The following SEMA6D variants were observed in gnomAD, a reference collection of about 807,000 sequenced individuals.
SEMA6D encodes semaphorin-6D.
A neutral mutation model predicts 106.6 loss-of-function variants in SEMA6D; 35 were observed. That is an observed-to-expected ratio of 0.33 (90% CI 0.25 to 0.44). The LOEUF (loss-of-function observed/expected upper bound fraction) is 0.44. SEMA6D is among the 20% of genes least tolerant of loss of function. The pLI is 1.00. For missense variants in SEMA6D, 1,185 were observed against 1,345.9 expected (o/e 0.88, Z 1.87); for synonymous variants, 499 against 487.7 (o/e 1.02, Z -0.31).
chr15:47,341,804 G>A (rs187837217), intron 1 of SEMA6D, among the ~76,000 whole-genome samples: 1,687 of 152,196 alleles, frequency 0.011, 12 homozygotes, highest in Non-Finnish European at 0.014. Flanking sequence ...TTTCAGACTT[G>A]TGATATTCCT....
chr15:47,501,165 T>C (rs2043836110), intron 3 of SEMA6D, among the ~76,000 whole-genome samples: 1 of 152,196 alleles, frequency 6.6e-6, no homozygotes, highest in Non-Finnish European at 1.5e-5. Flanking sequence ...TCATTTGCAT[T>C]AGAAATGTAG....
Position 47,552,835 on chromosome 15 carries a change from TATATATAA to T in SEMA6D, c.-86-48022_-86-48015del, listed in dbSNP as rs1425647491. Among the ~76,000 whole-genome samples, 652 of 82,476 alleles carry T rather than the reference TATATATAA, an allele frequency of 7.9e-3. 31 individuals are homozygous for T. Among genetic ancestry groups the T allele is most frequent in the South Asian group, 0.031 (99 of 3,182 alleles). 54.1% of individuals were successfully genotyped at this position (82,476 alleles called of 152,430 possible). On this transcript the variant is annotated intron_variant, in intron 3 of 19. Coordinates refer to the SEMA6D transcript ENST00000558014. ...ATATATAAATATATATATTTTTATA[TATATATAA>T]ATATATATAAATATATATATATTTT...
At chr15:47,340,884 G>A (rs1476316103) in intron 1 of SEMA6D, among the ~76,000 whole-genome samples, 3 of 152,114 alleles carry the variant, frequency 2.0e-5, no homozygotes, top group African/African-American at 7.2e-5. Context: ...GGAACTGTTG[G>A]GAGTGTTAAG....
At chr15:47,314,888 C>T (rs1163368945) in intron 1 of SEMA6D, among the ~76,000 whole-genome samples, 3 of 115,764 alleles carry the variant, frequency 2.6e-5, no homozygotes, top group Admixed American at 2.0e-4. Context: ...TTTTTTGAGA[C>T]GGAGTCTCGC....
At chr15:47,643,284 G>A (rs1357250884) in intron 4 of SEMA6D, among the ~76,000 whole-genome samples, 1 of 152,182 alleles carries the variant, frequency 6.6e-6, no homozygotes, top group Non-Finnish European at 1.5e-5. Context: ...AGTGTCCAGG[G>A]CCTGCATTTC....
At chr15:47,538,713 A>T (rs2045256204) in intron 3 of SEMA6D, among the ~76,000 whole-genome samples, 1 of 152,216 alleles carries the variant, frequency 6.6e-6, no homozygotes, top group African/African-American at 2.4e-5. Flanking sequence ...TAAAAAAATA[A>T]GTCTTTTTTA....
intron 3 of SEMA6D, among the ~76,000 whole-genome samples, chr15:47,573,878 A>G (rs912339024): frequency 2.0e-5 from 3 of 152,148 alleles, no homozygotes; most frequent in African/African-American, 4.8e-5. Flanking sequence ...ATCCTACTCC[A>G]TACATCTGAT....
intron 3 of SEMA6D, among the ~76,000 whole-genome samples, chr15:47,588,563 A>G (rs980269438): frequency 3.9e-5 from 6 of 152,224 alleles, no homozygotes; most frequent in African/African-American, 7.2e-5. Context: ...CTGAAACCAC[A>G]AATCACGAAT....
At chr15:47,310,505 TGGA>T (rs758750934) in intron 1 of SEMA6D, among the ~76,000 whole-genome samples, 21 of 152,314 alleles carry the variant, frequency 1.4e-4, no homozygotes, top group Non-Finnish European at 2.6e-4. Flanking sequence ...TAGGCTACTT[TGGA>T]GGAGTTTATA....
At chr15:47,390,622 T>G (rs2039996159) in intron 1 of SEMA6D, among the ~76,000 whole-genome samples, 1 of 152,166 alleles carries the variant, frequency 6.6e-6, no homozygotes, top group Non-Finnish European at 1.5e-5. Context: ...CTTTCATACC[T>G]CAAGACATTT....
At chr15:47,732,844 G>T (rs1302633545) in intron 1 of SEMA6D, among the ~76,000 whole-genome samples, 1 of 152,084 alleles carries the variant, frequency 6.6e-6, no homozygotes, top group Non-Finnish European at 1.5e-5. Flanking sequence ...ATGTAGGCAG[G>T]ATTCATAAAA....
chr15:47,730,677 C>G lies in SEMA6D; in HGVS notation c.-55+12985C>G. The G allele has an allele frequency of 2.5e-6, 4 of 1,608,784 alleles. No individual in the cohort carries two copies. In the South Asian group the frequency reaches 4.4e-5, roughly 18 times the overall value. On this transcript the variant is annotated intron_variant, in intron 1 of 18. Coordinates refer to ENST00000536845, the MANE Select transcript of SEMA6D (RefSeq NM_001358351.3). Reference sequence around the variant, plus strand: ...TTATGCAGCTCGCTGTTTGGCGGTCCAGGGCCTGGGTGAACTGGTTAATCG... The same window carrying G: ...TTATGCAGCTCGCTGTTTGGCGGTCGAGGGCCTGGGTGAACTGGTTAATCG...
intron 2 of SEMA6D, among the ~76,000 whole-genome samples, chr15:47,468,707 CT>C (rs1187292150): frequency 6.6e-6 from 1 of 152,146 alleles, no homozygotes; most frequent in African/African-American, 2.4e-5. Context: ...CCTTACTTAT[CT>C]TCTACAGAAA....
intron 3 of SEMA6D, among the ~76,000 whole-genome samples, chr15:47,493,099 A>T (rs78860743): frequency 0.013 from 1,906 of 152,294 alleles, 38 homozygotes; most frequent in African/African-American, 0.044. Flanking sequence ...CCATTAGAGT[A>T]AGAATTGACC....
chr15:47,622,920 C>T (rs2077133818), intron 4 of SEMA6D, among the ~76,000 whole-genome samples: 1 of 152,018 alleles, frequency 6.6e-6, no homozygotes, highest in Non-Finnish European at 1.5e-5. Flanking sequence ...CGGGCATGGC[C>T]CTCAGAAGTT....
chr15:47,760,156 C>CATTTATA, intron 2 of SEMA6D, 148 bp from the exon 3 acceptor site: 1 of 650,560 alleles, frequency 1.5e-6, no homozygotes, highest in Non-Finnish European at 2.7e-6. Flanking sequence ...CTGACATTCA[C>CATTTATA]TGCCTTTTAT....
intron 1 of SEMA6D, among the ~76,000 whole-genome samples, chr15:47,213,355 T>TAA (rs2030231347): frequency 6.6e-6 from 1 of 152,218 alleles, no homozygotes; most frequent in African/African-American, 2.4e-5. Context: ...TAATTAATCA[T>TAA]AACCTAAATT....
At chr15:47,442,090 T>G (rs981266319) in intron 2 of SEMA6D, among the ~76,000 whole-genome samples, 34 of 152,214 alleles carry the variant, frequency 2.2e-4, no homozygotes, top group African/African-American at 7.9e-4. Context: ...TTAGAGTAAA[T>G]AGCTTGGGGA....
At chr15:47,502,613 C>G (rs1034717918) in intron 3 of SEMA6D, among the ~76,000 whole-genome samples, 1 of 152,212 alleles carries the variant, frequency 6.6e-6, no homozygotes, top group African/African-American at 2.4e-5. Flanking sequence ...GTGAAAATGA[C>G]AAGGGCATGT....
Sources: gnomAD v4.1 joint callset for allele counts (sites outside exome capture counted in the v4.1 genomes callset) on GRCh38, gnomAD v4.1.1 for gene constraint, MANE v1.5 for transcripts, NCBI Gene and HGNC (gene_info 2026-07-23, HGNC 2026-07-21) for gene names.